ZNF558: variants seen among roughly 807,000 people sequenced by gnomAD.
ZNF558 encodes the protein zinc finger protein 558.
ZNF558 carries 23 observed loss-of-function variants against 37.6 expected under a neutral mutation model. The observed-to-expected ratio is 0.61, with a 90% CI of 0.44 to 0.87. ZNF558 has a LOEUF of 0.87. Among genes scored for constraint, ZNF558 ranks in the 40% least tolerant of loss-of-function variants. ZNF558 has a pLI of 0.00. For synonymous variants in ZNF558, 189 were observed against 174.4 expected (o/e 1.08, Z -0.66); for missense variants, 429 against 483.7 (o/e 0.89, Z 1.06).
At chr19:8,812,753 C>G in intron 8 of ZNF558, 110 bp from the exon 9 acceptor site, 1 of 615,168 alleles carries the variant, frequency 1.6e-6, no homozygotes, top group Admixed American at 3.6e-5. Flanking sequence ...ATGTTTGCAA[C>G]AAAGAGGATT....
In ZNF558 at chr19:8,811,658, A is replaced by G; in HGVS notation, c.832T>C (p.Ser278Pro). 6.2e-7 allele frequency: 1 copy of G among 1,614,180 alleles called. No individual in the cohort carries two copies. Among genetic ancestry groups the G allele is most frequent in the Non-Finnish European group, 8.5e-7 (1 of 1,180,032 alleles). ...QCGKAFSTRS[S>P]LTGHNSIHTG... ...TGAATGCTATTGTGCCCAGTGAGAG[A>G]GGACCTTGTGCTGAAAGCTTTTCCA... is the stretch of plus-strand genomic sequence containing the variant. The change falls in exon 10 of 10, where the codon TCT becomes CCT. Residue 278 changes from serine to proline, a missense_variant. Physicochemically the swap from Ser to Pro is moderately conservative, Grantham distance 74 (BLOSUM62 -1). Transcript: ENST00000601372.
intron 6 of ZNF558, chr19:8,821,567 C>T: frequency 7.2e-7 from 1 of 1,392,572 alleles, no homozygotes; most frequent in South Asian, 1.6e-5. Context: ...AGGTCCAGTG[C>T]ACAGTACCAC....
chr19:8,826,125 T>C (rs115636385), intron 2 of ZNF558, among the ~76,000 whole-genome samples: 3 of 152,026 alleles, frequency 2.0e-5, no homozygotes, highest in Non-Finnish European at 4.4e-5. Flanking sequence ...GCTGGTGGCC[T>C]CTACAAGATG....
chr19:8,830,877 A>G (rs1175286230), intron 2 of ZNF558: 1 of 152,090 alleles, frequency 6.6e-6, no homozygotes, highest in Non-Finnish European at 1.5e-5. Context: ...CCTGGCCAAC[A>G]GAGTGAGACT....
At chr19:8,812,890 G>C (rs1283844535) in intron 8 of ZNF558, among the ~76,000 whole-genome samples, 1 of 152,202 alleles carries the variant, frequency 6.6e-6, no homozygotes, top group Non-Finnish European at 1.5e-5. Flanking sequence ...ATTTTCAAAA[G>C]AGTTGCATCT....
chr19:8,817,599 T>C (rs1251846824), intron 7 of ZNF558, among the ~76,000 whole-genome samples: 1 of 152,162 alleles, frequency 6.6e-6, no homozygotes, highest in African/African-American at 2.4e-5. Context: ...AATGGCTTTA[T>C]TGGGACATAG....
At chr19:8,817,743 G>A (rs2043975074) in intron 7 of ZNF558, among the ~76,000 whole-genome samples, 1 of 152,050 alleles carries the variant, frequency 6.6e-6, no homozygotes, top group African/African-American at 2.4e-5. Flanking sequence ...ATAAAACAGA[G>A]AAAGACATTA....
intron 8 of ZNF558, 137 bp downstream of exon 8, chr19:8,812,990 T>C: frequency 1.5e-6 from 1 of 674,370 alleles, no homozygotes; most frequent in Non-Finnish European, 2.6e-6. Context: ...TCACACCAAA[T>C]GTTCTCGTGC....
At chr19:8,835,838 C>A (rs2044449758), upstream of ZNF558, among the ~76,000 whole-genome samples, 1 of 152,182 alleles carries the variant, frequency 6.6e-6, no homozygotes. Flanking sequence ...GATTATTATT[C>A]ATCCATTAAA....
At chr19:8,823,287 C>T (rs1033612675) in intron 4 of ZNF558, among the ~76,000 whole-genome samples, 48 of 146,172 alleles carry the variant, frequency 3.3e-4, no homozygotes, top group Admixed American at 7.2e-5. Context: ...ACGGCGTTCA[C>T]TCCTTTTTTC....
chr19:8,822,978 C>G lies in ZNF558; in HGVS notation c.-65-254G>C. The G allele has an allele frequency of 2.5e-6, 1 of 393,112 alleles. No homozygotes were observed. Among genetic ancestry groups the G allele is most frequent in the Non-Finnish European group, 4.8e-6 (1 of 208,262 alleles). The allele number at this position is 393,112 out of a possible 1,614,324, so 24.4% of individuals were successfully genotyped here. A position where few individuals can be genotyped will look rare whatever the true frequency, so the allele number is the denominator to read the frequency against. ...TGAGAACCTCGGCTTCACGCAGTCT[C>G]ACGGCATGTTCTTCCCATCCAAGCG... On this transcript the variant is annotated intron_variant, in intron 4 of 9. Coordinates refer to ENST00000601372, the MANE Select transcript of ZNF558 (RefSeq NM_144693.3). The surrounding 1 kb of genome is among the most constrained non-coding windows in gnomAD (Gnocchi z 4.4).
At chr19:8,814,000 G>A (rs2043865270) in intron 7 of ZNF558, among the ~76,000 whole-genome samples, 1 of 152,230 alleles carries the variant, frequency 6.6e-6, no homozygotes, top group East Asian at 1.9e-4. Context: ...CAGTGACAGT[G>A]GTGGAGGACG....
Position 8,822,667 on chromosome 19 carries a change from C to T in ZNF558, c.-8G>A, listed in dbSNP as rs1393070579. On this transcript the variant is annotated 5_prime_UTR_variant, in exon 5 of 10. Transcript: ENST00000601372. The surrounding 1 kb of genome is among the most constrained non-coding windows in gnomAD (Gnocchi z 4.4). The stretch of plus-strand genomic sequence containing the variant: ...CAGGATGACAGCCGCCATCCTGTGA[C>T]TCCGACAGCAACAGGGCAGCCGGGA... The T allele has an allele frequency of 1.2e-6, 2 of 1,614,110 alleles. No homozygotes were observed. Among genetic ancestry groups the T allele is most frequent in the Middle Eastern group, 1.7e-4 (1 of 6,060 alleles).
chr19:8,822,596 G>A lies in ZNF558; in HGVS notation c.31+33C>T. On this transcript the variant is annotated intron_variant, in intron 5 of 9. Coordinates refer to ENST00000601372, the MANE Select transcript of ZNF558 (RefSeq NM_144693.3). This position sits in a 1 kb window ranked among gnomAD's most constrained non-coding sequence, Gnocchi z 4.4. ...TGTGGGTCAGAACCTTTCAAGGCTG[G>A]ACTCTGAGAAATGTCAGGACCCCAC... 6.2e-7 allele frequency: 1 copy of A among 1,613,946 alleles called. No individual in the cohort carries two copies. Among genetic ancestry groups the A allele is most frequent in the Non-Finnish European group, 8.5e-7 (1 of 1,179,890 alleles).
In ZNF558 at chr19:8,823,214, A is replaced by C. The variant is rs1286225732; in HGVS notation, c.-65-490T>G. Among the ~76,000 whole-genome samples the C allele has an allele frequency of 2.0e-5, 3 of 151,648 alleles. No homozygotes were observed. In the East Asian group the frequency reaches 5.8e-4, roughly 30 times the overall value. On this transcript the variant is annotated intron_variant, in intron 4 of 9. Coordinates refer to ENST00000601372, the MANE Select transcript of ZNF558 (RefSeq NM_144693.3). ...CTTGGTCATCACCGGGCACTGTCCC[A>C]CCACCCAGAACAACGTTCAGAAACT...
chr19:8,814,809 G>C (rs182766402), intron 7 of ZNF558, among the ~76,000 whole-genome samples: 3 of 151,996 alleles, frequency 2.0e-5, no homozygotes, highest in Non-Finnish European at 4.4e-5. Context: ...AAGAGACTTC[G>C]GTGGCCACAC....
At position 8,808,799 on chromosome 19, in the gene ZNF558, G is replaced by C. The variant is rs1274205250; in HGVS notation, c.*2482C>G. On this transcript the variant is annotated 3_prime_UTR_variant, in exon 10 of 10. Coordinates refer to ENST00000601372, the MANE Select transcript of ZNF558 (RefSeq NM_144693.3). ...TTAAAAATATTTATTTGTTTATTTT[G>C]AGATGGAGTCTCGCTCTGTTGCCAG... 6.6e-6 allele frequency: 1 copy of C among 152,072 alleles called. No individual in the cohort carries two copies. The highest frequency in any genetic ancestry group is 1.9e-4 in the East Asian group (1 of 5,182). The allele number at this position is 152,072 out of a possible 1,614,324, so 9.4% of individuals were successfully genotyped here.
At chr19:8,827,854 G>A (rs778799548) in intron 2 of ZNF558, among the ~76,000 whole-genome samples, 1 of 152,090 alleles carries the variant, frequency 6.6e-6, no homozygotes, top group Non-Finnish European at 1.5e-5. Context: ...GATTACAGGT[G>A]TGAGCCACTG....
chr19:8,833,936 C>T (rs547498571), upstream of ZNF558, among the ~76,000 whole-genome samples: 20 of 151,936 alleles, frequency 1.3e-4, no homozygotes, highest in Admixed American at 5.9e-4. Context: ...TGAAGTGAGC[C>T]GAGATTGCAG....
Sources: allele counts gnomAD v4.1 joint callset (sites outside exome capture counted in the v4.1 genomes callset), GRCh38; gene constraint gnomAD v4.1.1; non-coding constraint Gnocchi (gnomAD v3.1); transcripts MANE v1.5; gene names NCBI Gene and HGNC (gene_info 2026-07-23, HGNC 2026-07-21).